Variants in SEMA3D observed in about 807,000 individuals in gnomAD.
The protein encoded by SEMA3D is semaphorin 3D.
SEMA3D carries 84 observed loss-of-function variants against 100.1 expected under a neutral mutation model. The ratio of observed to expected loss-of-function variants is 0.84; its 90% CI spans 0.70 to 1.01. The LOEUF is 1.01. Among genes scored for constraint, SEMA3D ranks in the 50% least tolerant of loss-of-function variants. The pLI is 0.00. For synonymous variants in SEMA3D, 312 were observed against 320.7 expected (o/e 0.97, Z 0.29); for missense variants, 875 against 934.1 (o/e 0.94, Z 0.82).
the SEMA3D span, among the ~76,000 whole-genome samples, chr7:85,194,158 GT>G: frequency 6.6e-6 from 1 of 152,108 alleles, no homozygotes; most frequent in Non-Finnish European, 1.5e-5. Context: ...AACAAAGATA[GT>G]TTTATTTCTT....
At chr7:85,042,061 G>A (rs1207744629) in intron 10 of SEMA3D, 110 bp downstream of exon 10, 6 of 799,758 alleles carry the variant, frequency 7.5e-6, no homozygotes, top group African/African-American at 5.1e-5. Flanking sequence ...CTCCTGTAAG[G>A]TTTGCTCAGG....
chr7:85,103,249 C>G (rs532418511), intron 3 of SEMA3D, among the ~76,000 whole-genome samples: 1 of 152,028 alleles, frequency 6.6e-6, no homozygotes, highest in South Asian at 2.1e-4. Context: ...ACACGTAAAG[C>G]TAAGACACTC....
chr7:85,035,997 C>T (rs1790682266), intron 12 of SEMA3D, among the ~76,000 whole-genome samples: 1 of 151,890 alleles, frequency 6.6e-6, no homozygotes, highest in Non-Finnish European at 1.5e-5. Flanking sequence ...GCTGGTTCTC[C>T]TTTAAGAATG....
At chr7:85,064,440 T>G (rs1791558248) in intron 8 of SEMA3D, among the ~76,000 whole-genome samples, 1 of 152,212 alleles carries the variant, frequency 6.6e-6, no homozygotes, top group South Asian at 2.1e-4. Context: ...TTTTTTTGGC[T>G]GATGAGAATC....
chr7:85,157,446 C>G (rs1216538321), intron 1 of SEMA3D, among the ~76,000 whole-genome samples: 1 of 152,048 alleles, frequency 6.6e-6, no homozygotes, highest in East Asian at 1.9e-4. Context: ...TAACCAGCTC[C>G]CCATTGTACA....
intron 3 of SEMA3D, among the ~76,000 whole-genome samples, chr7:85,108,239 A>T (rs889842090): frequency 6.6e-6 from 1 of 152,056 alleles, no homozygotes; most frequent in African/African-American, 2.4e-5. Flanking sequence ...ACCACCTCTT[A>T]TACATAAGTC....
chr7:85,102,372 G>A (rs1406388000), intron 3 of SEMA3D, among the ~76,000 whole-genome samples: 1 of 152,004 alleles, frequency 6.6e-6, no homozygotes, highest in African/African-American at 2.4e-5. Context: ...AGACCATGGT[G>A]TAATTATTTT....
chr7:85,024,648 G>T (rs191385386), intron 12 of SEMA3D, among the ~76,000 whole-genome samples: 52 of 151,940 alleles, frequency 3.4e-4, no homozygotes, highest in Admixed American at 1.8e-3. Flanking sequence ...TTTTCTTATG[G>T]CAGCTTTTCC....
chr7:85,187,303 C>T (rs1791586247), upstream of SEMA3D, among the ~76,000 whole-genome samples: 1 of 152,212 alleles, frequency 6.6e-6, no homozygotes, highest in African/African-American at 2.4e-5. Flanking sequence ...TTCTGGGTGA[C>T]TTGGGGACTT....
the SEMA3D span, among the ~76,000 whole-genome samples, chr7:85,211,436 T>A: frequency 6.6e-6 from 1 of 152,090 alleles, no homozygotes; most frequent in Non-Finnish European, 1.5e-5. Context: ...TTTTCTTTTA[T>A]ATTGATACTT....
At chr7:85,177,401 C>T (rs1024081491) in intron 1 of SEMA3D, among the ~76,000 whole-genome samples, 1 of 151,944 alleles carries the variant, frequency 6.6e-6, no homozygotes, top group Admixed American at 6.6e-5. Context: ...AGTGATTCTT[C>T]AGGCACTTAA....
intron 3 of SEMA3D, among the ~76,000 whole-genome samples, chr7:85,109,816 A>T (rs1789042284): frequency 1.3e-5 from 2 of 151,966 alleles, no homozygotes; most frequent in Non-Finnish European, 2.9e-5. Flanking sequence ...AATTAGAGAC[A>T]AATTTAGGGA....
chr7:85,185,102 C>A (rs2534874), intron 1 of SEMA3D, among the ~76,000 whole-genome samples: 3 of 151,490 alleles, frequency 2.0e-5, no homozygotes, highest in African/African-American at 7.3e-5. Context: ...AAAAGGAGAA[C>A]AAAAAGGAGA....
At chr7:85,129,309 A>G (rs1789658239) in intron 2 of SEMA3D, among the ~76,000 whole-genome samples, 1 of 152,160 alleles carries the variant, frequency 6.6e-6, no homozygotes, top group Non-Finnish European at 1.5e-5. Flanking sequence ...GGAACGACAG[A>G]TAAATTTGTA....
chr7:85,189,364 T>G (rs1791644070), upstream of SEMA3D, among the ~76,000 whole-genome samples: 1 of 152,214 alleles, frequency 6.6e-6, no homozygotes, highest in Admixed American at 6.5e-5. Flanking sequence ...CAAGATAGTT[T>G]TAACAACCCT....
intron 3 of SEMA3D, among the ~76,000 whole-genome samples, chr7:85,113,058 C>A (rs939261587): frequency 1.3e-5 from 2 of 152,014 alleles, no homozygotes; most frequent in African/African-American, 4.8e-5. Flanking sequence ...GTATAAATAT[C>A]CCCAACACAT....
chr7:85,116,707 A>G (rs974541553), intron 3 of SEMA3D, among the ~76,000 whole-genome samples: 5 of 152,002 alleles, frequency 3.3e-5, no homozygotes, highest in African/African-American at 1.2e-4. Context: ...CAAAGATATT[A>G]TTCCATGTTA....
chr7:85,231,610 C>G, the SEMA3D span, among the ~76,000 whole-genome samples: 1 of 152,108 alleles, frequency 6.6e-6, no homozygotes. Context: ...GCCACCACAC[C>G]CGGCTAATTT....
At chr7:85,225,050 T>TTA in the SEMA3D span, among the ~76,000 whole-genome samples, 23 of 77,370 alleles carry the variant, frequency 3.0e-4, 1 homozygote, top group South Asian at 6.1e-4. Flanking sequence ...TGATTTTCTT[T>TTA]TATATATATA....
Sources: gnomAD v4.1 joint callset for allele counts (sites outside exome capture counted in the v4.1 genomes callset) on GRCh38, gnomAD v4.1.1 for gene constraint, MANE v1.5 for transcripts, NCBI Gene and HGNC (gene_info 2026-07-23, HGNC 2026-07-21) for gene names.